The following WDR20 variants were observed in gnomAD, a reference collection of about 807,000 sequenced individuals.
WDR20 encodes WD repeat domain 20, also known as WD repeat-containing protein 20.
Under a neutral mutation model 38.7 loss-of-function variants are expected in WDR20, and 3 were observed. That is an observed-to-expected ratio of 0.08 (90% confidence interval 0.04 to 0.20). The LOEUF (loss-of-function observed/expected upper bound fraction) is 0.20, where lower values mean the gene tolerates loss of function less well. WDR20 is among the 10% of genes least tolerant of loss of function. The pLI is 1.00. For missense variants in WDR20, 559 were observed against 727.7 expected (o/e 0.77, Z 2.67); for synonymous variants, 298 against 285.6 (o/e 1.04, Z -0.44).
At chr14:102,155,408 A>G (rs1319767026) in intron 1 of WDR20, among the ~76,000 whole-genome samples, 4 of 152,196 alleles carry the variant, frequency 2.6e-5, no homozygotes, top group Admixed American at 2.6e-4. Flanking sequence ...ATAAGGGGGA[A>G]CTGGGTAAGA....
intron 1 of WDR20, among the ~76,000 whole-genome samples, chr14:102,182,402 C>A (rs1280657424): frequency 6.6e-6 from 1 of 151,662 alleles, no homozygotes; most frequent in Non-Finnish European, 1.5e-5. Context: ...CCTCTCTCCT[C>A]TCATTGAGTG....
chr14:102,139,800 G>C, upstream of WDR20: 1 of 1,435,270 alleles, frequency 7.0e-7, no homozygotes, highest in Non-Finnish European at 9.5e-7. Flanking sequence ...CGCAGGGCTG[G>C]CCCGCGGGTG....
At chr14:102,176,078 C>T (rs2061992011) in intron 1 of WDR20, among the ~76,000 whole-genome samples, 1 of 152,166 alleles carries the variant, frequency 6.6e-6, no homozygotes, top group African/African-American at 2.4e-5. Context: ...CTAGCTAGGA[C>T]TTCCAGAACT....
intron 1 of WDR20, chr14:102,193,356 C>T (rs532112577): frequency 1.4e-5 from 17 of 1,200,590 alleles, no homozygotes; most frequent in Middle Eastern, 3.9e-4. Flanking sequence ...CTCCACTGGC[C>T]GCTTTTCTCC....
chr14:102,185,120 A>G (rs2064308959), intron 1 of WDR20, among the ~76,000 whole-genome samples: 1 of 152,210 alleles, frequency 6.6e-6, no homozygotes, highest in African/African-American at 2.4e-5. Flanking sequence ...AATTTAGGGC[A>G]GAAAGAAACA....
At chr14:102,189,962 G>A (rs776176080) in intron 1 of WDR20, among the ~76,000 whole-genome samples, 2 of 152,208 alleles carry the variant, frequency 1.3e-5, no homozygotes, top group Non-Finnish European at 2.9e-5. Flanking sequence ...GCGGTGGGAC[G>A]TGAACTGACG....
intron 2 of WDR20, chr14:102,198,120 T>C (rs1274966798): frequency 4.1e-5 from 6 of 147,346 alleles, no homozygotes; most frequent in Admixed American, 3.5e-4. Flanking sequence ...TTTATTTATT[T>C]ATTTATTTAT....
rs2062314983 is a variant in WDR20 at position 102,210,394 on chromosome 14, T to TC, written c.*514_*515insC. On this transcript the variant is annotated 3_prime_UTR_variant, in exon 3 of 3. Transcript: ENST00000342702. ...AAATTTAACTTTAGGAACAAAACGT[T>TC]TAGCAGGGTTGATTGATATTATTTT... 2.0e-6 allele frequency: 2 copies of TC among 985,610 alleles called. No individual in the cohort carries two copies. The highest frequency in any genetic ancestry group is 3.5e-5 in the African/African-American group (2 of 57,354). 61.1% of individuals were successfully genotyped at this position (985,610 alleles called of 1,614,324 possible). A position where few individuals can be genotyped will look rare whatever the true frequency, so the allele number is the denominator to read the frequency against.
intron 1 of WDR20, among the ~76,000 whole-genome samples, chr14:102,168,845 G>A (rs1026012060): frequency 6.6e-6 from 1 of 152,056 alleles, no homozygotes; most frequent in Non-Finnish European, 1.5e-5. Flanking sequence ...AGGAAGCAGC[G>A]TCTCTCACTT....
chr14:102,199,182 C>T (rs1396960697), intron 2 of WDR20, among the ~76,000 whole-genome samples: 1 of 151,850 alleles, frequency 6.6e-6, no homozygotes, highest in African/African-American at 2.4e-5. Context: ...GCTCGGACAC[C>T]AGCTCTGCCA....
At chr14:102,155,183 G>A (rs1399879533) in intron 1 of WDR20, among the ~76,000 whole-genome samples, 1 of 152,178 alleles carries the variant, frequency 6.6e-6, no homozygotes, top group Non-Finnish European at 1.5e-5. Flanking sequence ...AAATAGAGAT[G>A]AGAATATCTG....
chr14:102,139,455 C>T (rs775588250), upstream of WDR20: 368 of 1,485,398 alleles, frequency 2.5e-4, no homozygotes, highest in Non-Finnish European at 3.2e-4. Flanking sequence ...CGGTGGCCGT[C>T]GGGGTGGCGC....
At chr14:102,171,352 C>G (rs1440085048) in intron 1 of WDR20, 1 of 147,784 alleles carries the variant, frequency 6.8e-6, no homozygotes, top group South Asian at 2.1e-4. Flanking sequence ...TGACCTCAAG[C>G]TCTTTGGCTC....
chr14:102,193,630 G>GCAAA, intron 1 of WDR20: 2 of 894,286 alleles, frequency 2.2e-6, no homozygotes, highest in Non-Finnish European at 3.2e-6. Context: ...TTTTGAGTTT[G>GCAAA]CTCAAAGACG....
chr14:102,221,857 T>C lies in WDR20; in HGVS notation c.1693-973T>C. Among the ~76,000 whole-genome samples, 1 of 152,188 alleles carries C rather than the reference T, an allele frequency of 6.6e-6. No individual in the cohort carries two copies. The highest frequency in any genetic ancestry group is 1.9e-4 in the East Asian group (1 of 5,192). On this transcript the variant is annotated intron_variant, in intron 3 of 3. Transcript: ENST00000335263. The surrounding 1 kb of genome is among the most constrained non-coding windows in gnomAD (Gnocchi z 4.8). ...AAACAGTACTCATCAGCTGAAGCCT[T>C]CTTCCATGACAGCTAAGTTGTATTC... is the stretch of plus-strand genomic sequence containing the variant.
At chr14:102,191,151 G>C (rs373213247) in intron 1 of WDR20, 1 of 152,242 alleles carries the variant, frequency 6.6e-6, no homozygotes, top group Non-Finnish European at 1.5e-5. Flanking sequence ...GCAGGGGAGG[G>C]GTGGGCCTTT....
intron 1 of WDR20, among the ~76,000 whole-genome samples, chr14:102,141,103 C>A (rs1251980028): frequency 1.3e-5 from 2 of 152,072 alleles, no homozygotes; most frequent in Non-Finnish European, 2.9e-5. Context: ...CTTTCATTGG[C>A]TATGTAACTA....
rs144622521 is a variant in WDR20 at position 102,169,444 on chromosome 14, C to G, written c.250-25494C>G. On this transcript the variant is annotated intron_variant, in intron 1 of 2. Coordinates refer to ENST00000342702, the MANE Select transcript of WDR20 (RefSeq NM_144574.4). ...TCTACAAGAGGAGGGCTTTATCTGT[C>G]TTTGTTGGTGAGATACCAGGATCTA... 2.6e-5 allele frequency among the ~76,000 whole-genome samples: 4 copies of G among 152,260 alleles called. No homozygotes were observed. The East Asian group carries it at 7.7e-4, about 29-fold the overall frequency.
intron 1 of WDR20, chr14:102,193,437 A>G (rs763429486): frequency 7.5e-6 from 12 of 1,607,706 alleles, no homozygotes; most frequent in South Asian, 2.2e-5. Context: ...TCTTTCATGT[A>G]TATATTCTCT....
Sources: allele counts gnomAD v4.1 joint callset (sites outside exome capture counted in the v4.1 genomes callset), GRCh38; gene constraint gnomAD v4.1.1; non-coding constraint Gnocchi (gnomAD v3.1); transcripts MANE v1.5; gene names NCBI Gene and HGNC (gene_info 2026-07-23, HGNC 2026-07-21).